The following ENTREP2 variants were observed in gnomAD, a reference collection of about 807,000 sequenced individuals.
ENTREP2 encodes protein ENTREP2.
the ENTREP2 span, among the ~76,000 whole-genome samples, chr15:29,382,615 T>G: frequency 6.7e-4 from 102 of 152,234 alleles, no homozygotes; most frequent in African/African-American, 2.3e-3. Context: ...AGTCATCCCC[T>G]CTCTCCTGCC....
At chr15:29,553,292 TCAAAAA>T in the ENTREP2 span, among the ~76,000 whole-genome samples, 928 of 152,184 alleles carry the variant, frequency 6.1e-3, 6 homozygotes, top group Non-Finnish European at 9.6e-3. Flanking sequence ...CAAGACTCTG[TCAAAAA>T]CAAAAACAAA....
the ENTREP2 span, among the ~76,000 whole-genome samples, chr15:29,649,727 C>CAAAAAAAAAAAAAAAAAAAA: frequency 1.5e-5 from 1 of 66,914 alleles, no homozygotes; most frequent in Non-Finnish European, 3.2e-5. Context: ...TCAACAACAA[C>CAAAAAAAAAAAAAAAAAAAA]AAAAAAAAAA....
At chr15:29,456,287 T>C in the ENTREP2 span, among the ~76,000 whole-genome samples, 13 of 152,198 alleles carry the variant, frequency 8.5e-5, no homozygotes, top group Admixed American at 7.9e-4. Flanking sequence ...GTCAGGATAA[T>C]ACTGCATGTT....
the ENTREP2 span, among the ~76,000 whole-genome samples, chr15:29,482,847 G>T: frequency 6.6e-6 from 1 of 152,126 alleles, no homozygotes; most frequent in African/African-American, 2.4e-5. Flanking sequence ...ATTCATTTAG[G>T]TAAATACCAA....
chr15:29,164,657 C>T, the ENTREP2 span, among the ~76,000 whole-genome samples: 1 of 152,154 alleles, frequency 6.6e-6, no homozygotes, highest in African/African-American at 2.4e-5. Flanking sequence ...GCATCTAACA[C>T]TGGAGCGCCA....
chr15:29,288,804 C>T, the ENTREP2 span, among the ~76,000 whole-genome samples: 1 of 152,196 alleles, frequency 6.6e-6, no homozygotes, highest in African/African-American at 2.4e-5. Flanking sequence ...GCACATAACA[C>T]ATAACTATAT....
At chr15:29,407,589 G>A in the ENTREP2 span, among the ~76,000 whole-genome samples, 1 of 152,160 alleles carries the variant, frequency 6.6e-6, no homozygotes, top group African/African-American at 2.4e-5. Flanking sequence ...CACCAGGCCA[G>A]GGCACAGCCA....
chr15:29,319,162 G>T, the ENTREP2 span, among the ~76,000 whole-genome samples: 2 of 152,204 alleles, frequency 1.3e-5, no homozygotes, highest in South Asian at 2.1e-4. Flanking sequence ...GAAGACACGA[G>T]AAATAGTTAA....
the ENTREP2 span, among the ~76,000 whole-genome samples, chr15:29,297,832 G>A: frequency 6.6e-6 from 1 of 151,890 alleles, no homozygotes; most frequent in Non-Finnish European, 1.5e-5. Context: ...TAGACTATAA[G>A]GAAAAATGAC....
the ENTREP2 span, among the ~76,000 whole-genome samples, chr15:29,361,679 A>G: frequency 6.6e-6 from 1 of 152,034 alleles, no homozygotes; most frequent in Admixed American, 6.6e-5. Flanking sequence ...GCCTCATCTC[A>G]TGGCAATTCT....
the ENTREP2 span, among the ~76,000 whole-genome samples, chr15:29,170,599 AGT>A: frequency 0.02 from 2,995 of 148,632 alleles, 32 homozygotes; most frequent in Middle Eastern, 0.045. Context: ...TGTGTGTGTG[AGT>A]GTGTGTGTGT....
At chr15:29,430,620 C>T in the ENTREP2 span, among the ~76,000 whole-genome samples, 13 of 151,966 alleles carry the variant, frequency 8.6e-5, no homozygotes, top group Admixed American at 1.3e-4. Context: ...ACTGCACTCC[C>T]GCCTGGGCAA....
the ENTREP2 span, among the ~76,000 whole-genome samples, chr15:29,248,614 C>CAT: frequency 6.6e-6 from 1 of 151,976 alleles, no homozygotes; most frequent in East Asian, 1.9e-4. Flanking sequence ...TGTATAAATA[C>CAT]ATATAAGCTT....
At chr15:29,180,391 C>T in the ENTREP2 span, among the ~76,000 whole-genome samples, 4 of 152,180 alleles carry the variant, frequency 2.6e-5, no homozygotes, top group South Asian at 4.1e-4. Context: ...GTAGGCCAGG[C>T]GCACTGGCTC....
At chr15:29,599,579 G>A in the ENTREP2 span, among the ~76,000 whole-genome samples, 1 of 152,192 alleles carries the variant, frequency 6.6e-6, no homozygotes, top group East Asian at 1.9e-4. Context: ...AGCTCCATAA[G>A]CCTATTTCCT....
chr15:29,379,092 G>C, the ENTREP2 span, among the ~76,000 whole-genome samples: 7 of 152,218 alleles, frequency 4.6e-5, no homozygotes, highest in South Asian at 2.1e-4. Context: ...CTGCAGTGCA[G>C]AACTGCCTCT....
the ENTREP2 span, among the ~76,000 whole-genome samples, chr15:29,426,904 A>T: frequency 6.6e-6 from 1 of 152,186 alleles, no homozygotes; most frequent in Non-Finnish European, 1.5e-5. Context: ...AGTGCATTAC[A>T]TACAGAAGTA....
chr15:29,123,700 A>G, the ENTREP2 span: 2 of 1,507,878 alleles, frequency 1.3e-6, no homozygotes, highest in Non-Finnish European at 1.8e-6. Flanking sequence ...CACTGAAATA[A>G]GAAGTTAACT....
the ENTREP2 span, among the ~76,000 whole-genome samples, chr15:29,537,230 G>A: frequency 6.6e-6 from 1 of 152,118 alleles, no homozygotes; most frequent in South Asian, 2.1e-4. Context: ...GCAGAGAAAG[G>A]GTCCTAAAGG....
Sources: gnomAD v4.1 joint callset for allele counts (sites outside exome capture counted in the v4.1 genomes callset) on GRCh38, gnomAD v4.1.1 for gene constraint, MANE v1.5 for transcripts, NCBI Gene and HGNC (gene_info 2026-07-23, HGNC 2026-07-21) for gene names.